Variants in CFAP299 observed in about 807,000 individuals in gnomAD.
CFAP299 encodes the protein cilia- and flagella-associated protein 299.
Under a neutral mutation model 27.0 loss-of-function variants are expected in CFAP299, and 21 were observed. The observed-to-expected ratio is 0.78, with a 90% confidence interval of 0.55 to 1.12. CFAP299 has a LOEUF of 1.12. CFAP299 is among the 50% of genes most tolerant of loss of function. The pLI is 0.00. For missense variants in CFAP299, 310 were observed against 276.6 expected, an observed-to-expected ratio of 1.12 and a Z score of -0.86; for synonymous variants, 104 against 98.1, an observed-to-expected ratio of 1.06 and a Z score of -0.36.
At chr4:80,787,936 C>T (rs1009970799) in intron 3 of CFAP299, among the ~76,000 whole-genome samples, 1 of 151,656 alleles carries the variant, frequency 6.6e-6, no homozygotes, top group Non-Finnish European at 1.5e-5. Context: ...ATAAGTTGTG[C>T]GTTCCCCTCT....
Position 80,963,703 on chromosome 4 carries a change from G to C in CFAP299, c.*91G>C. 1 of 757,054 alleles carries C rather than the reference G, an allele frequency of 1.3e-6. No individual in the cohort carries two copies. The highest frequency in any genetic ancestry group is 2.2e-6 in the Non-Finnish European group (1 of 462,128). 46.9% of individuals were successfully genotyped at this position (757,054 alleles called of 1,614,324 possible). On this transcript the variant is annotated 3_prime_UTR_variant, in exon 6 of 6. Coordinates refer to ENST00000358105, the MANE Select transcript of CFAP299 (RefSeq NM_152770.3). ...AGAATAATAAATGAGCCCTGTAGCT[G>C]GAAGGCAAATTAGAACAATAAAGTT... is the stretch of plus-strand genomic sequence containing the variant.
chr4:80,622,551 T>C (rs1738661860), intron 3 of CFAP299, among the ~76,000 whole-genome samples: 1 of 152,206 alleles, frequency 6.6e-6, no homozygotes, highest in African/African-American at 2.4e-5. Context: ...TATAATAACT[T>C]GACTGGCCTT....
chr4:80,514,273 G>A lies in CFAP299; in HGVS notation c.243-68820G>A, dbSNP rs899243765. ...TAATATGAAACCAAAGTTTGAGCACGGCATCTTAAGGGATCGATATTGCTC... is the reference window on the plus strand; with the variant it reads ...TAATATGAAACCAAAGTTTGAGCACAGCATCTTAAGGGATCGATATTGCTC... On this transcript the variant is annotated intron_variant, in intron 2 of 5. Transcript: ENST00000358105. Among the ~76,000 whole-genome samples, 8 of 151,860 alleles carry A rather than the reference G, an allele frequency of 5.3e-5. No individual in the cohort carries two copies. In the East Asian group the frequency reaches 7.7e-4, roughly 15 times the overall value.
intron 3 of CFAP299, among the ~76,000 whole-genome samples, chr4:80,691,492 A>C (rs1720688590): frequency 1.3e-5 from 2 of 152,214 alleles, no homozygotes; most frequent in Admixed American, 1.3e-4. Context: ...AAAATTCAGC[A>C]ATGCTTCATG....
intron 3 of CFAP299, among the ~76,000 whole-genome samples, chr4:80,809,777 A>G (rs934086395): frequency 1.3e-5 from 2 of 152,028 alleles, no homozygotes; most frequent in Non-Finnish European, 2.9e-5. Flanking sequence ...CGAACCTCCA[A>G]GGGTTTCCCC....
rs532299622 is a variant in CFAP299, at chr4:80,532,935, C to CT, written c.243-50150dup. ...CTAGTGGCTAAGAACTTTTTCTGAC[C>CT]TTTTTTTTCTCATTACTTTAATGTC... On this transcript the variant is annotated intron_variant, in intron 2 of 5. Transcript: ENST00000358105. 4.7e-4 allele frequency among the ~76,000 whole-genome samples: 71 copies of CT among 152,084 alleles called. 1 individual carries two copies. Among genetic ancestry groups the CT allele is most frequent in the East Asian group, 1.2e-3 (6 of 5,166 alleles).
intron 2 of CFAP299, among the ~76,000 whole-genome samples, chr4:80,481,373 T>G (rs1730559861): frequency 6.6e-6 from 1 of 152,138 alleles, no homozygotes; most frequent in South Asian, 2.1e-4. Flanking sequence ...TCTATTTATA[T>G]TAGTGAGCTA....
intron 3 of CFAP299, among the ~76,000 whole-genome samples, chr4:80,800,626 T>TAATATAAATATATAATATATAATATATC (rs1560419551): frequency 7.2e-5 from 7 of 97,824 alleles, no homozygotes; most frequent in African/African-American, 2.7e-4. Flanking sequence ...TATAATATAT[T>TAATATAAATATATAATATATAATATATC]AATATAAATA....
intron 2 of CFAP299, among the ~76,000 whole-genome samples, chr4:80,404,395 G>A (rs904804906): frequency 6.6e-6 from 1 of 152,122 alleles, no homozygotes; most frequent in Non-Finnish European, 1.5e-5. Flanking sequence ...ACTTTGTAAA[G>A]CTAAAACTTC....
intron 3 of CFAP299, among the ~76,000 whole-genome samples, chr4:80,684,817 T>C (rs1209453222): frequency 6.6e-6 from 1 of 152,134 alleles, no homozygotes; most frequent in Admixed American, 6.5e-5. Context: ...ATGTACATCT[T>C]TCTGTATATT....
chr4:80,900,475 T>G (rs1387179401), intron 4 of CFAP299, among the ~76,000 whole-genome samples: 1 of 152,140 alleles, frequency 6.6e-6, no homozygotes, highest in Non-Finnish European at 1.5e-5. Flanking sequence ...TTGTCAAGAC[T>G]AAGATCTAAT....
intron 3 of CFAP299, among the ~76,000 whole-genome samples, chr4:80,857,210 G>A (rs963355193): frequency 1.3e-5 from 2 of 152,138 alleles, no homozygotes; most frequent in Admixed American, 6.6e-5. Flanking sequence ...CTGTTTCTCT[G>A]TTATTGGTAT....
At chr4:80,821,322 G>C (rs1025373623) in intron 3 of CFAP299, among the ~76,000 whole-genome samples, 1 of 152,082 alleles carries the variant, frequency 6.6e-6, no homozygotes, top group Non-Finnish European at 1.5e-5. Context: ...AGAGAAAAAG[G>C]TTTTAAATTT....
chr4:80,332,955 C>A (rs1721993653), upstream of CFAP299, among the ~76,000 whole-genome samples: 1 of 151,986 alleles, frequency 6.6e-6, no homozygotes. Context: ...TTCTCTGTTC[C>A]AAAGTGGTGG....
chr4:80,460,435 T>C (rs931360333), intron 2 of CFAP299, among the ~76,000 whole-genome samples: 15 of 152,222 alleles, frequency 9.9e-5, no homozygotes, highest in African/African-American at 3.4e-4. Flanking sequence ...TGGGGTGAAA[T>C]TTTTTTAAAG....
intron 2 of CFAP299, among the ~76,000 whole-genome samples, chr4:80,533,510 T>G (rs1354601454): frequency 1.3e-5 from 2 of 152,206 alleles, no homozygotes; most frequent in Non-Finnish European, 2.9e-5. Context: ...TTTGCAATTT[T>G]AATTATAGAA....
At chr4:80,662,010 G>A (rs574559598) in intron 3 of CFAP299, among the ~76,000 whole-genome samples, 2 of 152,232 alleles carry the variant, frequency 1.3e-5, no homozygotes, top group East Asian at 3.9e-4. Context: ...TGGTCAGACT[G>A]GTTGTCTGCT....
chr4:80,808,716 T>G (rs1236118593), intron 3 of CFAP299, among the ~76,000 whole-genome samples: 13 of 152,128 alleles, frequency 8.5e-5, no homozygotes, highest in African/African-American at 2.9e-4. Context: ...ATGTGATTTT[T>G]CAAGCATCTC....
At chr4:80,632,033 C>T (rs1357763032) in intron 3 of CFAP299, among the ~76,000 whole-genome samples, 1 of 152,016 alleles carries the variant, frequency 6.6e-6, no homozygotes, top group Non-Finnish European at 1.5e-5. Flanking sequence ...TCTCCCGACC[C>T]TGAAGAAGAA....
Sources: gnomAD v4.1 joint callset for allele counts (sites outside exome capture counted in the v4.1 genomes callset) on GRCh38, gnomAD v4.1.1 for gene constraint, MANE v1.5 for transcripts, NCBI Gene and HGNC (gene_info 2026-07-23, HGNC 2026-07-21) for gene names.